Variants in ACTR3C observed in about 807,000 individuals in gnomAD.
ACTR3C encodes the protein actin-related protein 3C.
Under a neutral mutation model 26.3 loss-of-function variants are expected in ACTR3C, and 18 were observed. That is an observed-to-expected ratio of 0.68 (90% CI 0.47 to 1.01). The LOEUF (loss-of-function observed/expected upper bound fraction) is 1.01. Ranked by LOEUF, ACTR3C falls within the 50% of genes least tolerant of loss-of-function variation. ACTR3C has a pLI of 0.00. For missense variants in ACTR3C, 184 were observed against 250.7 expected, an observed-to-expected ratio of 0.73 and a Z score of 1.80; for synonymous variants, 55 against 94.5, an observed-to-expected ratio of 0.58 and a Z score of 2.42.
chr7:150,251,042 C>T (rs1023396275), intron 6 of ACTR3C, among the ~76,000 whole-genome samples: 1 of 152,138 alleles, frequency 6.6e-6, no homozygotes, highest in Non-Finnish European at 1.5e-5. Context: ...AGGGGCCTCT[C>T]TATTTTTTGC....
chr7:150,075,635 T>G, the ACTR3C span, among the ~76,000 whole-genome samples: 1 of 152,196 alleles, frequency 6.6e-6, no homozygotes, highest in Non-Finnish European at 1.5e-5. Flanking sequence ...TCAGGCCTTT[T>G]GGACACTGGC....
chr7:150,037,739 GCTCT>G, the ACTR3C span, among the ~76,000 whole-genome samples: 11 of 49,288 alleles, frequency 2.2e-4, 1 homozygote, highest in Non-Finnish European at 4.5e-4. Flanking sequence ...AGAGGGTCTG[GCTCT>G]CAGTCCCCAC....
the ACTR3C span, among the ~76,000 whole-genome samples, chr7:149,967,028 A>ATT: frequency 1.4e-4 from 9 of 64,714 alleles, no homozygotes; most frequent in East Asian, 9.9e-4. Flanking sequence ...TGCACAGCTA[A>ATT]TTTTTTTTTT....
At chr7:149,882,732 CA>C in the ACTR3C span, among the ~76,000 whole-genome samples, 4 of 152,224 alleles carry the variant, frequency 2.6e-5, no homozygotes, top group African/African-American at 4.8e-5. Flanking sequence ...TAACCACTGA[CA>C]GGGGAGAAGC....
At chr7:150,094,785 G>T in the ACTR3C span, among the ~76,000 whole-genome samples, 1 of 150,894 alleles carries the variant, frequency 6.6e-6, no homozygotes, top group South Asian at 2.1e-4. Context: ...GGGGAATGGC[G>T]GCAGTGAGGC....
chr7:150,082,728 A>T, the ACTR3C span, among the ~76,000 whole-genome samples: 3 of 152,258 alleles, frequency 2.0e-5, no homozygotes, highest in East Asian at 5.8e-4. Context: ...ATTTCAATAT[A>T]AAATAAACAT....
At chr7:150,146,880 A>G in the ACTR3C span, among the ~76,000 whole-genome samples, 1 of 152,168 alleles carries the variant, frequency 6.6e-6, no homozygotes, top group Admixed American at 6.5e-5. Flanking sequence ...AGAAACTACT[A>G]TTTTCTTAAA....
chr7:150,228,903 G>C, the ACTR3C span, among the ~76,000 whole-genome samples: 1 of 149,876 alleles, frequency 6.7e-6, no homozygotes, highest in African/African-American at 2.5e-5. Context: ...TATATAGAGA[G>C]AGTGTGTATC....
the ACTR3C span, among the ~76,000 whole-genome samples, chr7:149,997,701 A>G: frequency 1.3e-5 from 2 of 149,694 alleles, no homozygotes; most frequent in African/African-American, 4.9e-5. Flanking sequence ...TCCATTTTCT[A>G]TCACTGAATT....
chr7:149,961,187 C>T, the ACTR3C span, among the ~76,000 whole-genome samples: 1 of 148,268 alleles, frequency 6.7e-6, no homozygotes, highest in Non-Finnish European at 1.5e-5. Context: ...AGTGGTGCTA[C>T]AGGAAGTGCA....
At chr7:149,914,199 G>A in the ACTR3C span, among the ~76,000 whole-genome samples, 3 of 151,484 alleles carry the variant, frequency 2.0e-5, no homozygotes, top group South Asian at 6.3e-4. Context: ...ACCAAATGCA[G>A]CAATTTTGTC....
At chr7:150,083,442 C>T in the ACTR3C span, among the ~76,000 whole-genome samples, 1 of 152,064 alleles carries the variant, frequency 6.6e-6, no homozygotes. Flanking sequence ...TGGGCACATG[C>T]TGTGGTCCCA....
At chr7:149,933,667 AC>A in the ACTR3C span, among the ~76,000 whole-genome samples, 6 of 152,210 alleles carry the variant, frequency 3.9e-5, no homozygotes, top group Non-Finnish European at 8.8e-5. Flanking sequence ...CACTAGCAAC[AC>A]ACAGAGTCTG....
chr7:150,275,738 G>A lies in ACTR3C; in HGVS notation c.564+9015C>T, dbSNP rs140437825. Among the ~76,000 whole-genome samples the A allele has an allele frequency of 8.8e-3, 1,333 of 151,920 alleles. 18 individuals carry two copies. Among genetic ancestry groups the A allele is most frequent in the African/African-American group, 0.031 (1,267 of 41,426 alleles). ...AAAAAAAAAACAAAACAAAAACAGCGACTACAAAGGAGTAACTTCTCCTTT... is the reference window on the plus strand; with the variant it reads ...AAAAAAAAAACAAAACAAAAACAGCAACTACAAAGGAGTAACTTCTCCTTT... On this transcript the variant is annotated intron_variant, in intron 6 of 7. Transcript: ENST00000683684.
chr7:149,915,386 T>C, the ACTR3C span, among the ~76,000 whole-genome samples: 3 of 152,104 alleles, frequency 2.0e-5, no homozygotes, highest in Non-Finnish European at 1.5e-5. Context: ...CCCTTAAGAA[T>C]ACACTACATA....
At chr7:150,315,928 T>G (rs937159956) in intron 1 of ACTR3C, among the ~76,000 whole-genome samples, 3 of 152,188 alleles carry the variant, frequency 2.0e-5, no homozygotes, top group African/African-American at 7.2e-5. Context: ...CCGGCCGCGG[T>G]GGCTCACGCC....
rs375625297 is a variant in ACTR3C at position 150,323,340 on chromosome 7, C to G, written c.-52+129G>C. Reference sequence around the variant, plus strand: ...CCACTACGGCCTTTGGCCAGGCCCCCTGGGCGCGTTCCGGGAGCTCAGGCC... The same window carrying G: ...CCACTACGGCCTTTGGCCAGGCCCCGTGGGCGCGTTCCGGGAGCTCAGGCC... On this transcript the variant is annotated intron_variant, in intron 1 of 7. Transcript: ENST00000683684. 8.0e-5 allele frequency: 22 copies of G among 276,088 alleles called. No homozygotes were observed. In the East Asian group the frequency reaches 2.9e-3, roughly 36 times the overall value. The allele number at this position is 276,088 out of a possible 1,614,324, so 17.1% of individuals were successfully genotyped here.
chr7:150,136,043 G>C, the ACTR3C span, among the ~76,000 whole-genome samples: 55,865 of 151,426 alleles, frequency 0.37, 15,586 homozygotes, highest in African/African-American at 0.79. Flanking sequence ...GGTGGCCCAA[G>C]CAGCCTACTG....
chr7:150,000,227 G>A, the ACTR3C span, among the ~76,000 whole-genome samples: 2 of 151,724 alleles, frequency 1.3e-5, no homozygotes, highest in African/African-American at 4.8e-5. Context: ...TGCAGACATA[G>A]CACAAATACC....
Sources: allele counts gnomAD v4.1 joint callset (sites outside exome capture counted in the v4.1 genomes callset), GRCh38; gene constraint gnomAD v4.1.1; transcripts MANE v1.5; gene names NCBI Gene and HGNC (gene_info 2026-07-23, HGNC 2026-07-21).